The following LINGO3 variants were observed in gnomAD, a reference collection of about 807,000 sequenced individuals.
LINGO3 encodes the protein leucine rich repeat and Ig domain containing 3, also known as leucine-rich repeat and immunoglobulin-like domain-containing nogo receptor-interacting protein 3.
For synonymous variants in LINGO3, 427 were observed against 444.2 expected (o/e 0.96, Z 0.49); for missense variants, 750 against 867.7 (o/e 0.86, Z 1.70).
chr19:2,301,242 C>T, the LINGO3 span, among the ~76,000 whole-genome samples: 3 of 151,880 alleles, frequency 2.0e-5, no homozygotes, highest in African/African-American at 4.8e-5. Context: ...CTGGTGTGAG[C>T]AGGGGACAGA....
chr19:2,291,109 C>G lies in LINGO3; in HGVS notation c.668G>C (p.Gly223Ala), dbSNP rs766291261. The G allele has an allele frequency of 1.9e-6, 3 of 1,608,608 alleles. No individual in the cohort carries two copies. The South Asian group carries it at 3.3e-5, about 18-fold the overall frequency. ...GTTGTCAATCTCCAGGTGCAGCAGC[C>G]CGGGCAGCCTGCGGAAGTTCTGGTC... Residue 223 changes from glycine (G) to alanine (A), a missense_variant, in exon 1 of 1, where the codon GGG becomes GCG. Physicochemically the swap from Gly to Ala is moderately conservative, Grantham distance 60 (BLOSUM62 0). Transcript: ENST00000585527.
chr19:2,287,475 C>G (rs562563149), downstream of LINGO3, among the ~76,000 whole-genome samples: 12 of 152,294 alleles, frequency 7.9e-5, no homozygotes, highest in African/African-American at 2.6e-4. This position sits in a 1 kb window ranked among gnomAD's most constrained non-coding sequence, Gnocchi z 4.5. Context: ...TGGGGTTGCA[C>G]GAACTTCAGC....
chr19:2,299,040 G>A, the LINGO3 span, among the ~76,000 whole-genome samples: 6,689 of 152,202 alleles, frequency 0.044, 522 homozygotes, highest in African/African-American at 0.15. Flanking sequence ...CGCCTGTCAC[G>A]GTATAGGTAC....
At chr19:2,306,142 T>A in the LINGO3 span, among the ~76,000 whole-genome samples, 1 of 152,128 alleles carries the variant, frequency 6.6e-6, no homozygotes, top group Non-Finnish European at 1.5e-5. Context: ...CTTCACCCAC[T>A]AGCCCAGCCC....
the LINGO3 span, among the ~76,000 whole-genome samples, chr19:2,297,659 C>T: frequency 1.4e-5 from 2 of 143,584 alleles, no homozygotes; most frequent in African/African-American, 2.6e-5. Flanking sequence ...GGCTGGAGTG[C>T]AATGGCACGA....
chr19:2,302,324 G>A, the LINGO3 span, among the ~76,000 whole-genome samples: 4 of 152,164 alleles, frequency 2.6e-5, no homozygotes, highest in Admixed American at 2.6e-4. Flanking sequence ...GCCTCCCAAA[G>A]TGCTGGGATG....
the LINGO3 span, among the ~76,000 whole-genome samples, chr19:2,303,989 C>A: frequency 6.6e-6 from 1 of 152,234 alleles, no homozygotes; most frequent in Non-Finnish European, 1.5e-5. Flanking sequence ...TTCCCAGTCA[C>A]TTCCCTGGGC....
exon 1 of LINGO3, chr19:2,291,222 G>A (rs956608263): frequency 6.2e-7 from 1 of 1,611,134 alleles, no homozygotes; most frequent in African/African-American, 1.3e-5. Context: ...GAGCCGTGAG[G>A]TTGCAGCGCT....
At chr19:2,291,477 G>A (rs1250720657) in exon 1 of LINGO3, 1 of 1,612,606 alleles carries the variant, frequency 6.2e-7, no homozygotes. Context: ...GGCGCGGCAG[G>A]TTGGCGAAGG....
At chr19:2,291,099 G>A (rs1599163922) in exon 1 of LINGO3, 7 of 1,609,296 alleles carry the variant, frequency 4.3e-6, no homozygotes, top group Non-Finnish European at 5.9e-6. Flanking sequence ...CAATCTCCAG[G>A]TGCAGCAGCC....
exon 1 of LINGO3, chr19:2,291,881 C>G: frequency 2.0e-6 from 2 of 1,009,418 alleles, no homozygotes; most frequent in Non-Finnish European, 2.9e-6. Flanking sequence ...CGCGGCGCCT[C>G]TGCCGCCAGC....
the LINGO3 span, among the ~76,000 whole-genome samples, chr19:2,304,603 G>A: frequency 6.6e-6 from 1 of 152,124 alleles, no homozygotes; most frequent in African/African-American, 2.4e-5. Flanking sequence ...GGGATAGGGT[G>A]GGGCCCTGAG....
chr19:2,292,949 G>A (rs573958848), upstream of LINGO3, among the ~76,000 whole-genome samples: 1 of 152,170 alleles, frequency 6.6e-6, no homozygotes, highest in African/African-American at 2.4e-5. Flanking sequence ...ACACGAACAC[G>A]ACTCAGCCAT....
chr19:2,291,557 G>A lies in LINGO3; in HGVS notation c.220C>T (p.Leu74=), dbSNP rs778754172. 6 of 1,588,486 alleles carry A rather than the reference G, an allele frequency of 3.8e-6. No homozygotes were observed. The Admixed American group carries it at 5.2e-5, about 14-fold the overall frequency. Residue 74 remains leucine, a synonymous_variant, in exon 1 of 1, where the codon CTG becomes TTG. Coordinates refer to ENST00000585527, the Ensembl canonical transcript of LINGO3. ...TCCTCCAGCGCGGGCAGCGCGGCCAGGTCGCCCGGGTTCAGGCAGCGGATG... is the reference window on the plus strand; with the variant it reads ...TCCTCCAGCGCGGGCAGCGCGGCCAAGTCGCCCGGGTTCAGGCAGCGGATG...
chr19:2,291,986 A>C, exon 1 of LINGO3: 1 of 594,444 alleles, frequency 1.7e-6, no homozygotes, highest in South Asian at 1.5e-5. Flanking sequence ...CAAGAGTTCG[A>C]GACCAGCCTG....
exon 1 of LINGO3, chr19:2,291,420 G>A (rs998059803): frequency 1.2e-6 from 2 of 1,613,420 alleles, no homozygotes; most frequent in Non-Finnish European, 1.7e-6. Flanking sequence ...TGAAGACCCC[G>A]GGCGGGATGA....
chr19:2,291,435 C>G, exon 1 of LINGO3: 1 of 1,613,314 alleles, frequency 6.2e-7, no homozygotes, highest in Non-Finnish European at 8.5e-7. Flanking sequence ...GGATGAGCTT[C>G]AGCTGGTTGC....
upstream of LINGO3, among the ~76,000 whole-genome samples, chr19:2,296,317 G>A (rs1447286644): frequency 6.6e-6 from 1 of 151,966 alleles, no homozygotes; most frequent in African/African-American, 2.4e-5. Flanking sequence ...GCTCACACCT[G>A]TAATCCCAGC....
the LINGO3 span, among the ~76,000 whole-genome samples, chr19:2,301,128 C>G: frequency 2.6e-5 from 4 of 152,204 alleles, no homozygotes; most frequent in South Asian, 2.1e-4. Context: ...AGGCTGTGCA[C>G]GTTGAAATCC....
Sources: gnomAD v4.1 joint callset for allele counts (sites outside exome capture counted in the v4.1 genomes callset) on GRCh38, gnomAD v4.1.1 for gene constraint, Gnocchi (gnomAD v3.1) non-coding constraint, MANE v1.5 for transcripts, NCBI Gene and HGNC (gene_info 2026-07-23, HGNC 2026-07-21) for gene names.